The following TMEFF1 variants were observed in gnomAD, a reference collection of about 807,000 sequenced individuals.
TMEFF1 encodes transmembrane protein with EGF like and two follistatin like domains 1.
A neutral mutation model predicts 47.5 loss-of-function variants in TMEFF1; 20 were observed. The observed-to-expected ratio is 0.42, with a 90% CI of 0.30 to 0.61. The LOEUF (loss-of-function observed/expected upper bound fraction) is 0.61. Ranked by LOEUF, TMEFF1 falls within the 20% of genes least tolerant of loss-of-function variation. TMEFF1 has a pLI of 0.19. For missense variants in TMEFF1, 411 were observed against 471.1 expected (o/e 0.87, Z 1.18); for synonymous variants, 162 against 166.3 (o/e 0.97, Z 0.20).
At chr9:100,522,794 G>A (rs1465340668) in intron 5 of TMEFF1, among the ~76,000 whole-genome samples, 1 of 152,068 alleles carries the variant, frequency 6.6e-6, no homozygotes, top group East Asian at 1.9e-4. Context: ...GAGTGCAGTG[G>A]CATGATCTCG....
chr9:100,485,471 C>CA (rs1837431064), intron 1 of TMEFF1, among the ~76,000 whole-genome samples: 1 of 152,210 alleles, frequency 6.6e-6, no homozygotes, highest in South Asian at 2.1e-4. Context: ...ACATTTTCAT[C>CA]AGCTATGTGT....
chr9:100,500,057 A>G (rs565670733), intron 2 of TMEFF1, among the ~76,000 whole-genome samples: 2 of 152,292 alleles, frequency 1.3e-5, no homozygotes, highest in South Asian at 2.1e-4. Context: ...TTGGCTGGAG[A>G]CATCATTTCT....
At chr9:100,548,428 T>C (rs1207213889) in intron 6 of TMEFF1, among the ~76,000 whole-genome samples, 3 of 152,212 alleles carry the variant, frequency 2.0e-5, no homozygotes, top group Non-Finnish European at 2.9e-5. Context: ...TTGCTTTTTG[T>C]TATAGCTTAG....
intron 2 of TMEFF1, among the ~76,000 whole-genome samples, chr9:100,505,272 C>T (rs1005955533): frequency 6.6e-6 from 1 of 151,410 alleles, no homozygotes; most frequent in Non-Finnish European, 1.5e-5. Context: ...ATTGGCTGGG[C>T]ATGGTGGTGT....
intron 5 of TMEFF1, among the ~76,000 whole-genome samples, chr9:100,537,161 G>A (rs1456182822): frequency 6.6e-6 from 1 of 152,162 alleles, no homozygotes; most frequent in Non-Finnish European, 1.5e-5. Flanking sequence ...TTAAGTATGT[G>A]TCTAAAGTTT....
intron 5 of TMEFF1, among the ~76,000 whole-genome samples, chr9:100,537,400 A>G (rs1838535476): frequency 6.6e-6 from 1 of 152,226 alleles, no homozygotes; most frequent in African/African-American, 2.4e-5. Context: ...TTGAATCTTT[A>G]AATGATATTT....
intron 2 of TMEFF1, among the ~76,000 whole-genome samples, chr9:100,502,782 C>G (rs112078760): frequency 0.015 from 2,260 of 152,256 alleles, 50 homozygotes; most frequent in African/African-American, 0.051. Context: ...CATGATCTGT[C>G]TGAATTCCTT....
chr9:100,501,387 A>G (rs148217138), intron 2 of TMEFF1, among the ~76,000 whole-genome samples: 7 of 152,294 alleles, frequency 4.6e-5, no homozygotes, highest in South Asian at 2.1e-4. Flanking sequence ...TTTGATTACT[A>G]GAGAAATTGA....
intron 1 of TMEFF1, among the ~76,000 whole-genome samples, chr9:100,494,875 G>A (rs1052657639): frequency 1.3e-5 from 2 of 152,144 alleles, no homozygotes; most frequent in Non-Finnish European, 2.9e-5. Flanking sequence ...TGGAATATTT[G>A]TATTAGTATT....
In TMEFF1 at chr9:100,530,173, A is replaced by T. The variant is rs548896534; in HGVS notation, c.560+13402A>T. ...TCCAAAATTGACACCCTAACATCAC[A>T]ATTAAAAGAACTAGAAAAGCAAGAG... is the stretch of plus-strand genomic sequence containing the variant. On this transcript the variant is annotated intron_variant, in intron 5 of 9. Coordinates refer to ENST00000374879, the MANE Select transcript of TMEFF1 (RefSeq NM_003692.5). Among the ~76,000 whole-genome samples the T allele has an allele frequency of 8.6e-5, 13 of 151,928 alleles. No individual in the cohort carries two copies. The South Asian group carries it at 2.7e-3, about 32-fold the overall frequency.
At chr9:100,507,255 C>T (rs551739200) in intron 2 of TMEFF1, among the ~76,000 whole-genome samples, 4 of 152,130 alleles carry the variant, frequency 2.6e-5, no homozygotes, top group African/African-American at 9.6e-5. Flanking sequence ...TTATCAAATT[C>T]ACCATTGTTG....
intron 3 of TMEFF1, 122 bp from the exon 4 acceptor site, chr9:100,513,185 A>G (rs998199059): frequency 3.0e-6 from 4 of 1,335,534 alleles, no homozygotes; most frequent in Admixed American, 4.7e-5. Flanking sequence ...TATCAAAAAT[A>G]TGAGAAAAGG....
chr9:100,538,284 T>C (rs1352872960), intron 5 of TMEFF1, among the ~76,000 whole-genome samples: 1 of 152,158 alleles, frequency 6.6e-6, no homozygotes, highest in African/African-American at 2.4e-5. Context: ...TCTCCATCTC[T>C]TGACCTTGTG....
intron 1 of TMEFF1, among the ~76,000 whole-genome samples, chr9:100,489,547 A>T (rs1213135687): frequency 2.6e-5 from 4 of 152,222 alleles, no homozygotes. Context: ...ATTTGATTTT[A>T]AAAGTAATAC....
At chr9:100,574,438 G>A (rs574973671) in intron 9 of TMEFF1, among the ~76,000 whole-genome samples, 19 of 152,280 alleles carry the variant, frequency 1.2e-4, no homozygotes, top group Non-Finnish European at 2.4e-4. Context: ...AGGCTGGAGT[G>A]CAGTGGCATG....
intron 9 of TMEFF1, among the ~76,000 whole-genome samples, 159 bp downstream of exon 9, chr9:100,572,835 A>G (rs1209882125): frequency 4.6e-5 from 7 of 152,090 alleles, no homozygotes; most frequent in African/African-American, 7.2e-5. Flanking sequence ...GGATACGGGC[A>G]GGGACTAATT....
intron 2 of TMEFF1, among the ~76,000 whole-genome samples, chr9:100,503,355 C>T (rs1837802021): frequency 6.6e-6 from 1 of 151,912 alleles, no homozygotes; most frequent in Non-Finnish European, 1.5e-5. Flanking sequence ...TGCATCTTTC[C>T]CTGAAAACTT....
intron 8 of TMEFF1, among the ~76,000 whole-genome samples, chr9:100,561,832 G>A (rs983919641): frequency 6.6e-6 from 1 of 151,814 alleles, no homozygotes; most frequent in African/African-American, 2.4e-5. Flanking sequence ...GGTGGCTGAG[G>A]GACTAAAGAC....
chr9:100,481,954 G>A (rs927424540), intron 1 of TMEFF1, among the ~76,000 whole-genome samples: 1 of 151,758 alleles, frequency 6.6e-6, no homozygotes, highest in African/African-American at 2.4e-5. Flanking sequence ...GCTAATTTTT[G>A]TATTTTTAGT....
Sources: gnomAD v4.1 joint callset for allele counts (sites outside exome capture counted in the v4.1 genomes callset) on GRCh38, gnomAD v4.1.1 for gene constraint, MANE v1.5 for transcripts, NCBI Gene and HGNC (gene_info 2026-07-23, HGNC 2026-07-21) for gene names.